NEGR1: variants seen among roughly 807,000 people sequenced by gnomAD.
NEGR1 encodes IgLON family member 4.
Under a neutral mutation model 40.9 loss-of-function variants are expected in NEGR1, and 10 were observed. That is an observed-to-expected ratio of 0.24 (90% confidence interval 0.15 to 0.42). The LOEUF is 0.42. NEGR1 is among the 10% of genes least tolerant of loss of function. The pLI, the probability that NEGR1 is intolerant of heterozygous loss-of-function variation, is 1.00. For synonymous variants in NEGR1, 185 were observed against 166.8 expected, an observed-to-expected ratio of 1.11 and a Z score of -0.84; for missense variants, 352 against 438.9, an observed-to-expected ratio of 0.80 and a Z score of 1.77.
chr1:72,137,898 G>T (rs1650528900), intron 1 of NEGR1, among the ~76,000 whole-genome samples: 1 of 151,990 alleles, frequency 6.6e-6, no homozygotes. Context: ...AGAAGACAGT[G>T]GAGCAAGATC....
At chr1:72,086,085 A>C (rs1314714102) in intron 1 of NEGR1, among the ~76,000 whole-genome samples, 1 of 152,104 alleles carries the variant, frequency 6.6e-6, no homozygotes, top group Admixed American at 6.5e-5. Flanking sequence ...TAACTTCAAC[A>C]GCAGTAATTT....
intron 1 of NEGR1, among the ~76,000 whole-genome samples, chr1:72,022,845 A>G (rs1569839604): frequency 6.6e-6 from 1 of 152,192 alleles, no homozygotes; most frequent in Admixed American, 6.5e-5. Flanking sequence ...ATTAAATTCA[A>G]TAATTGTTTG....
At chr1:71,569,487 T>A (rs1022840497) in intron 6 of NEGR1, among the ~76,000 whole-genome samples, 1 of 152,148 alleles carries the variant, frequency 6.6e-6, no homozygotes, top group Non-Finnish European at 1.5e-5. Context: ...GATAAATAAA[T>A]CCATTATTGT....
intron 2 of NEGR1, among the ~76,000 whole-genome samples, chr1:71,918,730 T>G (rs1168095308): frequency 6.6e-6 from 1 of 152,142 alleles, no homozygotes; most frequent in Non-Finnish European, 1.5e-5. Context: ...ATGAGTTTTC[T>G]TCTTTGTGTT....
chr1:72,167,276 T>C (rs1411670771), intron 1 of NEGR1, among the ~76,000 whole-genome samples: 1 of 152,128 alleles, frequency 6.6e-6, no homozygotes, highest in Non-Finnish European at 1.5e-5. Context: ...CTTACCTCTT[T>C]AGAGTATAAA....
Position 71,611,231 on chromosome 1 carries a change from C to T in NEGR1, c.668-85G>A, listed in dbSNP as rs369461565. 1.2e-5 allele frequency: 15 copies of T among 1,277,704 alleles called. 1 individual carries two copies. Among genetic ancestry groups the T allele is most frequent in the East Asian group, 2.5e-5 (1 of 40,606 alleles). 79.1% of individuals were successfully genotyped at this position (1,277,704 alleles called of 1,614,324 possible). A position where few individuals can be genotyped will look rare whatever the true frequency, so the allele number is the denominator to read the frequency against. On this transcript the variant is annotated intron_variant, in intron 4 of 6. Coordinates refer to ENST00000357731, the MANE Select transcript of NEGR1 (RefSeq NM_173808.3). ...ATATGACACACATATATTTTTATTC[C>T]TTCTATATTCAAAGCAATCTTATGC...
intron 1 of NEGR1, among the ~76,000 whole-genome samples, chr1:72,010,893 C>A (rs115229970): frequency 1.2e-4 from 19 of 152,168 alleles, no homozygotes; most frequent in African/African-American, 4.6e-4. Context: ...CATGACAACA[C>A]GTGACCTAGC....
intron 2 of NEGR1, among the ~76,000 whole-genome samples, chr1:71,901,660 A>G (rs981684209): frequency 1.4e-5 from 2 of 147,354 alleles, no homozygotes; most frequent in African/African-American, 5.1e-5. Flanking sequence ...TAAAAATGAG[A>G]TATAAATTTT....
At chr1:72,271,755 G>A (rs150419832) in intron 1 of NEGR1, among the ~76,000 whole-genome samples, 1 of 152,004 alleles carries the variant, frequency 6.6e-6, no homozygotes, top group East Asian at 1.9e-4. Flanking sequence ...TGTTGTCCCA[G>A]AATTCCCACG....
intron 2 of NEGR1, among the ~76,000 whole-genome samples, chr1:71,880,615 T>G (rs1247051878): frequency 6.6e-6 from 1 of 152,000 alleles, no homozygotes; most frequent in Non-Finnish European, 1.5e-5. Flanking sequence ...AACCTTGCAG[T>G]TTCAATGAAG....
chr1:72,263,077 C>CT (rs1655510190), intron 1 of NEGR1, among the ~76,000 whole-genome samples: 1 of 151,632 alleles, frequency 6.6e-6, no homozygotes, highest in Admixed American at 6.6e-5. Flanking sequence ...GTGAAGCATT[C>CT]TGAGTGTAGA....
At chr1:72,261,485 A>C (rs1655453944) in intron 1 of NEGR1, among the ~76,000 whole-genome samples, 1 of 152,132 alleles carries the variant, frequency 6.6e-6, no homozygotes, top group Admixed American at 6.6e-5. Flanking sequence ...AACACTATAG[A>C]TTTGCCAAAA....
At chr1:71,670,866 A>C (rs954504156) in intron 4 of NEGR1, among the ~76,000 whole-genome samples, 1 of 152,042 alleles carries the variant, frequency 6.6e-6, no homozygotes, top group Admixed American at 6.6e-5. Context: ...CCTAGAATAA[A>C]AAAGGCTGCA....
chr1:71,568,492 A>G (rs1352840125), intron 6 of NEGR1, among the ~76,000 whole-genome samples: 1 of 152,172 alleles, frequency 6.6e-6, no homozygotes. Context: ...AGACTCAGAA[A>G]ATAAGAAATT....
chr1:71,931,883 T>C (rs1250626004), intron 2 of NEGR1, among the ~76,000 whole-genome samples: 1 of 152,196 alleles, frequency 6.6e-6, no homozygotes, highest in Non-Finnish European at 1.5e-5. Context: ...CACACACTTT[T>C]ATACTTATAA....
chr1:71,987,844 T>C (rs758349114), intron 1 of NEGR1, among the ~76,000 whole-genome samples: 3 of 152,254 alleles, frequency 2.0e-5, no homozygotes, highest in Non-Finnish European at 2.9e-5. Flanking sequence ...TTAGTTCCTT[T>C]TCTACACAAT....
At chr1:71,671,893 C>CTTTTTTTTTTTTTTTTTTTTT (rs10708807) in intron 4 of NEGR1, among the ~76,000 whole-genome samples, 4 of 121,582 alleles carry the variant, frequency 3.3e-5, no homozygotes, top group Non-Finnish European at 5.2e-5. Flanking sequence ...CTCTCTCTCT[C>CTTTTTTTTTTTTTTTTTTTTT]TTTTTTTTTT....
At chr1:71,699,966 T>C (rs1653627923) in intron 3 of NEGR1, among the ~76,000 whole-genome samples, 1 of 151,934 alleles carries the variant, frequency 6.6e-6, no homozygotes, top group Non-Finnish European at 1.5e-5. Flanking sequence ...TCCTCAGCCA[T>C]GTGGAACTGT....
At chr1:72,067,252 T>A (rs1647298383) in intron 1 of NEGR1, among the ~76,000 whole-genome samples, 1 of 152,090 alleles carries the variant, frequency 6.6e-6, no homozygotes, top group South Asian at 2.1e-4. Flanking sequence ...CATTAGAGAT[T>A]TAAATTTTGT....
Sources: allele counts gnomAD v4.1 joint callset (sites outside exome capture counted in the v4.1 genomes callset), GRCh38; gene constraint gnomAD v4.1.1; transcripts MANE v1.5; gene names NCBI Gene and HGNC (gene_info 2026-07-23, HGNC 2026-07-21).